The following SSH2 variants were observed in gnomAD, a reference collection of about 807,000 sequenced individuals.
SSH2 encodes slingshot protein phosphatase 2.
Under a neutral mutation model 135.2 loss-of-function variants are expected in SSH2, and 37 were observed. That is an observed-to-expected ratio of 0.27 (90% CI 0.21 to 0.36). The LOEUF is 0.36. Among genes scored for constraint, SSH2 ranks in the 10% least tolerant of loss-of-function variants. The probability of loss-of-function intolerance (pLI) is 1.00; values close to 1 mark genes in which losing one functional copy is unlikely to be tolerated. For missense variants in SSH2, 1,408 were observed against 1,765.3 expected (o/e 0.80, Z 3.63); for synonymous variants, 628 against 646.2 (o/e 0.97, Z 0.43).
rs148102736 is a variant in SSH2, at chr17:29,715,612, TA to T, written c.189-12551del. Among the ~76,000 whole-genome samples, 1,262 of 152,326 alleles carry T rather than the reference TA, an allele frequency of 8.3e-3. 59 individuals carry two copies. In the East Asian group the frequency reaches 0.14, roughly 17 times the overall value. ...CTTTGCTCCAGATTTCCCTTCATAATACTACAGCTTAAAATGGTATGGTTAT... is the reference window on the plus strand; with the variant it reads ...CTTTGCTCCAGATTTCCCTTCATAATCTACAGCTTAAAATGGTATGGTTAT... On this transcript the variant is annotated intron_variant, in intron 3 of 15. Transcript: ENST00000540801.
intron 3 of SSH2, among the ~76,000 whole-genome samples, chr17:29,739,957 C>A (rs1434449905): frequency 6.6e-6 from 1 of 152,174 alleles, no homozygotes; most frequent in East Asian, 1.9e-4. Flanking sequence ...TGATTTTTCT[C>A]TGAGTGGAGC....
At chr17:29,843,187 CACT>C (rs2043072858) in intron 2 of SSH2, among the ~76,000 whole-genome samples, 1 of 152,144 alleles carries the variant, frequency 6.6e-6, no homozygotes. Context: ...GATGTTCATC[CACT>C]ACTATCTTGT....
At chr17:29,752,157 C>G (rs1028643488) in intron 3 of SSH2, among the ~76,000 whole-genome samples, 2 of 152,070 alleles carry the variant, frequency 1.3e-5, no homozygotes, top group Admixed American at 1.3e-4. Context: ...AAATTTCAAT[C>G]AAAATCCTAA....
intron 14 of SSH2, among the ~76,000 whole-genome samples, chr17:29,638,183 A>G (rs183500969): frequency 1.2e-3 from 181 of 152,170 alleles, no homozygotes; most frequent in African/African-American, 4.2e-3. Context: ...AAGATGAGAC[A>G]CCAAACAACA....
chr17:29,778,647 TAAATAAATAAATAA>T (rs1213107971), intron 3 of SSH2, among the ~76,000 whole-genome samples: 9 of 130,712 alleles, frequency 6.9e-5, no homozygotes, highest in African/African-American at 1.4e-4. Context: ...TCTAAAAAAA[TAAATAAATAAATAA>T]AAATAAATAA....
intron 6 of SSH2, 82 bp downstream of exon 6, chr17:29,684,481 A>C: frequency 4.6e-6 from 4 of 875,738 alleles, no homozygotes; most frequent in Non-Finnish European, 6.3e-6. Context: ...CTCCGTCCCC[A>C]TTAAAAAAAA....
chr17:29,913,763 TA>T (rs1391079929), intron 1 of SSH2, among the ~76,000 whole-genome samples: 4 of 151,520 alleles, frequency 2.6e-5, no homozygotes, highest in Non-Finnish European at 4.4e-5. Context: ...GCCTCCTGAG[TA>T]GCTGGGATTA....
Position 29,744,138 on chromosome 17 carries a change from C to T in SSH2, c.189-41076G>A, listed in dbSNP as rs373156133. 7.9e-5 allele frequency among the ~76,000 whole-genome samples: 12 copies of T among 152,114 alleles called. No homozygotes were observed. The East Asian group carries it at 1.4e-3, about 17-fold the overall frequency. ...GGAATGTTTCTCTAGGTGAAAAGGC[C>T]CCAGAAGCCCCTGCTGGGGTAGGAG... On this transcript the variant is annotated intron_variant, in intron 3 of 15. Coordinates refer to ENST00000540801, the MANE Select transcript of SSH2 (RefSeq NM_001282129.2).
intron 1 of SSH2, among the ~76,000 whole-genome samples, chr17:29,885,974 G>A (rs1056222565): frequency 5.3e-5 from 8 of 152,140 alleles, no homozygotes; most frequent in African/African-American, 1.4e-4. Context: ...TATTAGCAGC[G>A]TGAGAACAGA....
At chr17:29,640,525 T>A (rs2036112098) in intron 14 of SSH2, 1 of 152,198 alleles carries the variant, frequency 6.6e-6, no homozygotes, top group Non-Finnish European at 1.5e-5. Flanking sequence ...TTTCCTTCTC[T>A]TCCTTGGGGA....
rs1231520467 is a variant in SSH2 at position 29,698,389 on chromosome 17, A to G, written c.293-2866T>C. Among the ~76,000 whole-genome samples the G allele has an allele frequency of 2.6e-5, 4 of 152,356 alleles. No homozygotes were observed. In the South Asian group the frequency reaches 6.2e-4, roughly 24 times the overall value. ...TCAATAAAGCTGTTAAACAAAAAAT[A>G]AAAGAACAAGTATGAGGAGACAAAG... On this transcript the variant is annotated intron_variant, in intron 4 of 15. Transcript: ENST00000540801.
chr17:29,721,517 C>A (rs1260507959), intron 3 of SSH2, among the ~76,000 whole-genome samples: 1 of 152,174 alleles, frequency 6.6e-6, no homozygotes, highest in Non-Finnish European at 1.5e-5. Flanking sequence ...TTCTGAGGGT[C>A]TTTTGTTTTC....
intron 6 of SSH2, among the ~76,000 whole-genome samples, chr17:29,678,713 CTT>C (rs55889704): frequency 8.9e-6 from 1 of 112,074 alleles, no homozygotes; most frequent in Admixed American, 1.1e-4. Context: ...AATACTATTT[CTT>C]TTTTTTTTTT....
At chr17:29,899,484 A>G (rs1172347452) in intron 1 of SSH2, among the ~76,000 whole-genome samples, 1 of 152,152 alleles carries the variant, frequency 6.6e-6, no homozygotes, top group Non-Finnish European at 1.5e-5. Context: ...ATACACCAAT[A>G]ACAGACAAAC....
chr17:29,740,896 T>G (rs1397745974), intron 3 of SSH2, among the ~76,000 whole-genome samples: 3 of 152,218 alleles, frequency 2.0e-5, no homozygotes, highest in Non-Finnish European at 4.4e-5. Flanking sequence ...TTAAAATTCT[T>G]TAAGTCTAAA....
intron 3 of SSH2, among the ~76,000 whole-genome samples, chr17:29,745,511 C>A (rs2040731329): frequency 6.6e-6 from 1 of 152,198 alleles, no homozygotes. Context: ...TTGTACTGTT[C>A]ATCTGACACT....
At chr17:29,902,196 T>C (rs148098221) in intron 1 of SSH2, among the ~76,000 whole-genome samples, 17 of 152,324 alleles carry the variant, frequency 1.1e-4, no homozygotes, top group Non-Finnish European at 2.2e-4. Context: ...ACTTAAAAAT[T>C]AGTTTCCAAA....
intron 3 of SSH2, among the ~76,000 whole-genome samples, chr17:29,734,330 T>C (rs1346720121): frequency 6.6e-6 from 1 of 152,142 alleles, no homozygotes; most frequent in African/African-American, 2.4e-5. Context: ...AATAAGCAAA[T>C]GGCAAGTTGG....
chr17:29,808,383 C>T (rs1296084402), intron 2 of SSH2, among the ~76,000 whole-genome samples: 3 of 152,244 alleles, frequency 2.0e-5, no homozygotes, highest in African/African-American at 7.2e-5. Flanking sequence ...CCCGCCTCGG[C>T]CTCCCAAAGT....
Sources: gnomAD v4.1 joint callset for allele counts (sites outside exome capture counted in the v4.1 genomes callset) on GRCh38, gnomAD v4.1.1 for gene constraint, MANE v1.5 for transcripts, NCBI Gene and HGNC (gene_info 2026-07-23, HGNC 2026-07-21) for gene names.